PUM2: variants seen among roughly 807,000 people sequenced by gnomAD.
The protein encoded by PUM2 is pumilio homolog 2.
Under a neutral mutation model 124.5 loss-of-function variants are expected in PUM2, and 57 were observed. That is an observed-to-expected ratio of 0.46 (90% CI 0.37 to 0.57). The LOEUF (loss-of-function observed/expected upper bound fraction) is 0.57, where lower values mean the gene tolerates loss of function less well. Ranked by LOEUF, PUM2 falls within the 20% of genes least tolerant of loss-of-function variation. The pLI is 0.00. For synonymous variants in PUM2, 460 were observed against 446.1 expected (o/e 1.03, Z -0.39); for missense variants, 1,065 against 1,290.6 (o/e 0.83, Z 2.68).
chr2:20,273,491 A>G (rs550620748), intron 13 of PUM2, among the ~76,000 whole-genome samples: 1 of 152,348 alleles, frequency 6.6e-6, no homozygotes, highest in Non-Finnish European at 1.5e-5. Flanking sequence ...TGTCACTGAT[A>G]ATGTTATTAA....
At position 20,347,077 on chromosome 2, in the gene PUM2, T is replaced by A. The variant is rs143656745; in HGVS notation, c.-19+3520A>T. 8.3e-3 allele frequency among the ~76,000 whole-genome samples: 1,261 copies of A among 152,288 alleles called. 16 individuals carry two copies. The highest frequency in any genetic ancestry group is 0.029 in the African/African-American group (1,203 of 41,536). ...TATTTCCCAGTACTCTATTCTAAAA[T>A]CTTTTATTCCTCCACAAGAGAACAG... On this transcript the variant is annotated intron_variant, in intron 1 of 20. Transcript: ENST00000361078.
intron 13 of PUM2, among the ~76,000 whole-genome samples, chr2:20,266,036 C>A (rs1344067750): frequency 6.6e-6 from 1 of 152,158 alleles, no homozygotes; most frequent in Non-Finnish European, 1.5e-5. Context: ...CTCCTAACAA[C>A]AGAACTCCTG....
chr2:20,313,860 A>AAAAC (rs1470322342), intron 3 of PUM2, among the ~76,000 whole-genome samples: 1 of 143,110 alleles, frequency 7.0e-6, no homozygotes, highest in Admixed American at 7.0e-5. Context: ...AAAAAAAAAA[A>AAAAC]GGCCAGGGGC....
intron 7 of PUM2, among the ~76,000 whole-genome samples, chr2:20,299,713 A>G (rs1246541482): frequency 6.6e-6 from 1 of 152,128 alleles, no homozygotes; most frequent in Non-Finnish European, 1.5e-5. Context: ...TTCCCTATAC[A>G]CAATCATTTT....
At chr2:20,280,768 T>A (rs1414828433) in intron 12 of PUM2, among the ~76,000 whole-genome samples, 1 of 152,078 alleles carries the variant, frequency 6.6e-6, no homozygotes, top group Non-Finnish European at 1.5e-5. Context: ...ACCTAAAATA[T>A]CTAAGAGGGT....
At chr2:20,306,512 A>G (rs1050970804) in intron 7 of PUM2, among the ~76,000 whole-genome samples, 18 of 152,090 alleles carry the variant, frequency 1.2e-4, no homozygotes, top group Non-Finnish European at 2.1e-4. Flanking sequence ...CAAGGGATAA[A>G]GCGGGTGGGG....
intron 10 of PUM2, among the ~76,000 whole-genome samples, chr2:20,288,826 A>AGAAG (rs1673325211): frequency 6.6e-6 from 1 of 152,218 alleles, no homozygotes; most frequent in Admixed American, 6.5e-5. Flanking sequence ...AATGAAGTAA[A>AGAAG]GAAGGCATCA....
rs186533898 is a variant in PUM2 at position 20,258,228 on chromosome 2, T to G, written c.2484+15A>C. The G allele has an allele frequency of 2.2e-5, 35 of 1,574,966 alleles. No individual in the cohort carries two copies. In the African/African-American group the frequency reaches 4.8e-4, roughly 22 times the overall value. ...AATAAAATAATACAAAAATTTTGTC[T>G]TAACTTACAATTACCTGCTGGTCAG... On this transcript the variant is annotated intron_variant, in intron 16 of 20. Coordinates refer to ENST00000361078, the MANE Select transcript of PUM2 (RefSeq NM_015317.5).
intron 2 of PUM2, among the ~76,000 whole-genome samples, chr2:20,320,366 C>T (rs909357453): frequency 6.6e-6 from 1 of 151,974 alleles, no homozygotes; most frequent in Non-Finnish European, 1.5e-5. Context: ...GGGAAGATAA[C>T]TAAAAAGAAT....
At chr2:20,260,076 TTATTTTACA>T (rs2148508122) in intron 15 of PUM2, among the ~76,000 whole-genome samples, 1 of 152,334 alleles carries the variant, frequency 6.6e-6, no homozygotes, top group Admixed American at 6.5e-5. Context: ...GCCTTTTGTA[TTATTTTACA>T]TAGAGAAATG....
intron 7 of PUM2, among the ~76,000 whole-genome samples, chr2:20,306,852 C>G (rs1678448933): frequency 1.3e-5 from 2 of 151,834 alleles, no homozygotes; most frequent in Admixed American, 6.6e-5. Flanking sequence ...GGTGATCCAC[C>G]TGCCTCAGCC....
At chr2:20,298,815 G>A (rs1676272983) in intron 7 of PUM2, among the ~76,000 whole-genome samples, 1 of 152,136 alleles carries the variant, frequency 6.6e-6, no homozygotes, top group South Asian at 2.1e-4. Flanking sequence ...CTCCAGCCTG[G>A]GCAAGAGGGC....
chr2:20,261,610 G>A (rs1019853077), intron 14 of PUM2, among the ~76,000 whole-genome samples: 7 of 151,534 alleles, frequency 4.6e-5, no homozygotes, highest in African/African-American at 1.7e-4. Flanking sequence ...CATAGGAGAG[G>A]ACAGCTCCAT....
intron 2 of PUM2, among the ~76,000 whole-genome samples, chr2:20,320,622 G>C (rs1026505042): frequency 6.6e-6 from 1 of 151,586 alleles, no homozygotes; most frequent in South Asian, 2.1e-4. Flanking sequence ...TTAAATGCTA[G>C]GATGGCCCTG....
At chr2:20,330,425 G>C (rs994703959) in intron 1 of PUM2, among the ~76,000 whole-genome samples, 3 of 152,192 alleles carry the variant, frequency 2.0e-5, no homozygotes, top group African/African-American at 7.2e-5. Flanking sequence ...TGAACTTTCA[G>C]TTCCCCCTCC....
chr2:20,308,650 T>C (rs1678915335), intron 5 of PUM2, 66 bp from the exon 6 acceptor site: 38 of 1,446,498 alleles, frequency 2.6e-5, no homozygotes, highest in Middle Eastern at 2.2e-4. Flanking sequence ...AATGGGAAAA[T>C]AGAAAAATCA....
intron 1 of PUM2, among the ~76,000 whole-genome samples, chr2:20,332,282 A>AGTGTGTGTGTGTGTGTGTGTGTGTGTGT (rs55986830): frequency 2.8e-5 from 4 of 145,372 alleles, no homozygotes; most frequent in African/African-American, 7.7e-5. Context: ...ATACTACTAG[A>AGTGTGTGTGTGTGTGTGTGTGTGTGTGT]GTGTGTGTGT....
chr2:20,329,272 G>T (rs918748631), intron 1 of PUM2, among the ~76,000 whole-genome samples: 2 of 148,104 alleles, frequency 1.4e-5, no homozygotes, highest in Non-Finnish European at 3.0e-5. Flanking sequence ...TCTACAAAAA[G>T]AATACAAAAA....
intron 2 of PUM2, chr2:20,326,515 G>A (rs972499492): frequency 6.5e-6 from 5 of 769,466 alleles, no homozygotes; most frequent in Non-Finnish European, 7.5e-6. Context: ...TATTATCAAA[G>A]TCTACGTTAG....
Sources: allele counts gnomAD v4.1 joint callset (sites outside exome capture counted in the v4.1 genomes callset), GRCh38; gene constraint gnomAD v4.1.1; transcripts MANE v1.5; gene names NCBI Gene and HGNC (gene_info 2026-07-23, HGNC 2026-07-21).